Variants in PDE4D observed in about 807,000 individuals in gnomAD.
PDE4D encodes phosphodiesterase 4D, also known as 3',5'-cyclic-AMP phosphodiesterase 4D.
In PDE4D, 24 loss-of-function variants were observed where a neutral mutation model predicts 87.4. The observed-to-expected ratio is 0.27, with a 90% confidence interval of 0.20 to 0.39. PDE4D has a LOEUF of 0.39. PDE4D is among the 10% of genes least tolerant of loss of function. The pLI is 1.00. For synonymous variants in PDE4D, 384 were observed against 383.2 expected (o/e 1.00, Z -0.02); for missense variants, 714 against 1,041.0 (o/e 0.69, Z 4.32).
At chr5:59,834,180 A>G (rs1302417193) in intron 1 of PDE4D, among the ~76,000 whole-genome samples, 2 of 152,054 alleles carry the variant, frequency 1.3e-5, no homozygotes, top group African/African-American at 4.8e-5. Context: ...CCAAAGGAAC[A>G]AGAAAACTAC....
chr5:60,445,546 T>TGA (rs1745580170), intron 1 of PDE4D, among the ~76,000 whole-genome samples: 1 of 152,160 alleles, frequency 6.6e-6, no homozygotes, highest in African/African-American at 2.4e-5. Context: ...AAAGTGTGTG[T>TGA]GATCTTGGGA....
intron 3 of PDE4D, among the ~76,000 whole-genome samples, chr5:59,940,781 G>A (rs149945706): frequency 2.0e-5 from 3 of 152,244 alleles, no homozygotes; most frequent in Non-Finnish European, 4.4e-5. Flanking sequence ...AAAACTAGGT[G>A]TAGAGATATT....
chr5:59,503,214 A>G (rs544157981), intron 1 of PDE4D, among the ~76,000 whole-genome samples: 9 of 152,270 alleles, frequency 5.9e-5, no homozygotes, highest in African/African-American at 2.2e-4. Flanking sequence ...CAAAGTGATA[A>G]AAGTTCAGGA....
chr5:59,597,001 A>G (rs1195931377), intron 1 of PDE4D, among the ~76,000 whole-genome samples: 1 of 152,144 alleles, frequency 6.6e-6, no homozygotes, highest in Non-Finnish European at 1.5e-5. Flanking sequence ...GAAATCGGTG[A>G]TTGTATGGCC....
intron 1 of PDE4D, among the ~76,000 whole-genome samples, chr5:59,436,649 CTT>C (rs1425504156): frequency 1.3e-5 from 2 of 152,166 alleles, no homozygotes; most frequent in African/African-American, 4.8e-5. Flanking sequence ...ACAAGGATAA[CTT>C]TTGATCAAAT....
At chr5:59,528,905 C>T (rs761257616) in intron 1 of PDE4D, 5 of 373,168 alleles carry the variant, frequency 1.3e-5, no homozygotes, top group Non-Finnish European at 2.7e-5. Flanking sequence ...GCCACTCTGC[C>T]CTTGACCCTC....
At chr5:59,071,533 T>G (rs1764784883) in intron 5 of PDE4D, among the ~76,000 whole-genome samples, 1 of 130,440 alleles carries the variant, frequency 7.7e-6, no homozygotes, top group African/African-American at 3.4e-5. Flanking sequence ...TCTTTTCCTA[T>G]TCTCTGAGTT....
At chr5:59,375,527 G>A (rs1367659666) in intron 1 of PDE4D, among the ~76,000 whole-genome samples, 2 of 152,068 alleles carry the variant, frequency 1.3e-5, no homozygotes, top group Non-Finnish European at 2.9e-5. Flanking sequence ...AAAAAGCACT[G>A]AAATTGAGTC....
chr5:59,688,573 T>C (rs535048150), intron 1 of PDE4D, among the ~76,000 whole-genome samples: 4 of 152,264 alleles, frequency 2.6e-5, no homozygotes, highest in Admixed American at 2.6e-4. Context: ...TAAAGCAGTG[T>C]GTAGAGGGAA....
intron 1 of PDE4D, among the ~76,000 whole-genome samples, chr5:60,325,335 T>C (rs1310438220): frequency 6.6e-6 from 1 of 152,226 alleles, no homozygotes; most frequent in African/African-American, 2.4e-5. Flanking sequence ...ATACTGCTTC[T>C]TAAAGATCTA....
chr5:59,409,017 G>T (rs752302601), intron 1 of PDE4D, among the ~76,000 whole-genome samples: 1 of 151,932 alleles, frequency 6.6e-6, no homozygotes, highest in Admixed American at 6.6e-5. Flanking sequence ...GCATGACAGC[G>T]GGTGCCTGTA....
rs1582852469 is a variant in PDE4D, at chr5:59,493,389, A to G, written c.456-277421T>C. 2.0e-5 allele frequency among the ~76,000 whole-genome samples: 3 copies of G among 152,222 alleles called. No homozygotes were observed. In the South Asian group the frequency reaches 6.2e-4, roughly 32 times the overall value. ...ATAAGGCAAAATGGTTAAGAATGTC[A>G]TTTTAAAAAAGCATGTTCTAAACAC... On this transcript the variant is annotated intron_variant, in intron 1 of 14. Coordinates refer to ENST00000340635, the MANE Select transcript of PDE4D (RefSeq NM_001104631.2).
chr5:59,677,126 CT>C lies in PDE4D; in HGVS notation c.455+216041del, dbSNP rs1410029551. Among the ~76,000 whole-genome samples, 17 of 150,810 alleles carry C rather than the reference CT, an allele frequency of 1.1e-4. No individual in the cohort carries two copies. In the East Asian group the frequency reaches 1.8e-3, roughly 16 times the overall value. On this transcript the variant is annotated intron_variant, in intron 1 of 14. Transcript: ENST00000340635. ...TGAATTGAAAAAAAAAAGTTGAGAT[CT>C]TTTTTTTTAATCAGTTGCTATCTAT...
At chr5:59,265,694 T>C (rs551485331) in intron 1 of PDE4D, among the ~76,000 whole-genome samples, 13 of 152,162 alleles carry the variant, frequency 8.5e-5, no homozygotes, top group African/African-American at 1.4e-4. Flanking sequence ...TAAGAAAATA[T>C]GCGAATCATG....
At chr5:59,632,063 G>T (rs1006122420) in intron 1 of PDE4D, among the ~76,000 whole-genome samples, 11 of 152,180 alleles carry the variant, frequency 7.2e-5, no homozygotes, top group Admixed American at 2.6e-4. Context: ...GTGGGGAGGG[G>T]TGTCCGCCAT....
chr5:59,866,784 T>C (rs577198044), intron 1 of PDE4D, among the ~76,000 whole-genome samples: 2 of 152,296 alleles, frequency 1.3e-5, no homozygotes, highest in African/African-American at 4.8e-5. Flanking sequence ...CTCTGGAGGA[T>C]GTATGATGGG....
chr5:60,450,532 C>A (rs1746019386), intron 1 of PDE4D, among the ~76,000 whole-genome samples: 1 of 152,024 alleles, frequency 6.6e-6, no homozygotes, highest in African/African-American at 2.4e-5. Context: ...TAATATGCAG[C>A]ATTTCTTTGT....
chr5:59,468,189 T>G (rs1364475703), intron 1 of PDE4D, among the ~76,000 whole-genome samples: 1 of 152,158 alleles, frequency 6.6e-6, no homozygotes, highest in Admixed American at 6.6e-5. Context: ...TAATTTTCTT[T>G]TTACTTGCAC....
At chr5:60,088,707 T>A (rs988916737) in intron 2 of PDE4D, among the ~76,000 whole-genome samples, 1 of 151,570 alleles carries the variant, frequency 6.6e-6, no homozygotes, top group Non-Finnish European at 1.5e-5. Context: ...ATAGAGAAAA[T>A]TATTTTGTGA....
Sources: allele counts gnomAD v4.1 joint callset (sites outside exome capture counted in the v4.1 genomes callset), GRCh38; gene constraint gnomAD v4.1.1; transcripts MANE v1.5; gene names NCBI Gene and HGNC (gene_info 2026-07-23, HGNC 2026-07-21).